The following GSG1L variants were observed in gnomAD, a reference collection of about 807,000 sequenced individuals.
The protein encoded by GSG1L is GSG1 like, also known as germ cell-specific gene 1-like protein.
A neutral mutation model predicts 42.1 loss-of-function variants in GSG1L; 24 were observed. That is an observed-to-expected ratio of 0.57 (90% CI 0.41 to 0.80). The LOEUF (loss-of-function observed/expected upper bound fraction) is 0.80. GSG1L is among the 30% of genes least tolerant of loss of function. The pLI, the probability that GSG1L is intolerant of heterozygous loss-of-function variation, is 0.00. For synonymous variants in GSG1L, 215 were observed against 203.5 expected (o/e 1.06, Z -0.48); for missense variants, 445 against 472.2 (o/e 0.94, Z 0.53).
chr16:27,900,660 G>A (rs571865810), intron 2 of GSG1L, among the ~76,000 whole-genome samples: 2 of 152,272 alleles, frequency 1.3e-5, no homozygotes, highest in East Asian at 1.9e-4. Flanking sequence ...GTCTATCTGA[G>A]CCTCCCTCTC....
rs1360272575 is a variant in GSG1L at position 27,788,037 on chromosome 16, G to T, written c.*3333C>A. On this transcript the variant is annotated 3_prime_UTR_variant, in exon 7 of 7. Transcript: ENST00000447459. Reference sequence around the variant, plus strand: ...TGAATGGAAAGTGAATTAACAAATTGTTCGCTTGATGAATCAATGCGTGAA... The same window carrying T: ...TGAATGGAAAGTGAATTAACAAATTTTTCGCTTGATGAATCAATGCGTGAA... 2 of 152,204 alleles carry T rather than the reference G, an allele frequency of 1.3e-5. No homozygotes were observed. The highest frequency in any genetic ancestry group is 1.9e-4 in the East Asian group (1 of 5,200). 9.4% of individuals were successfully genotyped at this position (152,204 alleles called of 1,614,324 possible). A position where few individuals can be genotyped will look rare whatever the true frequency, so the allele number is the denominator to read the frequency against.
intron 1 of GSG1L, among the ~76,000 whole-genome samples, chr16:27,996,190 A>C (rs1253351380): frequency 6.6e-6 from 1 of 151,986 alleles, no homozygotes; most frequent in African/African-American, 2.4e-5. Flanking sequence ...CTTCCACACC[A>C]TCAGCCACAG....
At chr16:27,950,521 G>A (rs545220601) in intron 2 of GSG1L, among the ~76,000 whole-genome samples, 1 of 152,246 alleles carries the variant, frequency 6.6e-6, no homozygotes, top group East Asian at 1.9e-4. Context: ...GGCAGAACCA[G>A]CACTTCAGAA....
At chr16:28,016,516 C>T (rs944508427) in intron 1 of GSG1L, among the ~76,000 whole-genome samples, 10 of 152,110 alleles carry the variant, frequency 6.6e-5, no homozygotes, top group African/African-American at 2.4e-4. Context: ...TCCCTAGGTT[C>T]GGGGTCATCT....
chr16:27,953,552 T>A (rs185079930), intron 2 of GSG1L, among the ~76,000 whole-genome samples: 1,690 of 152,130 alleles, frequency 0.011, 17 homozygotes, highest in Non-Finnish European at 0.018. Context: ...GCTGTGGCAG[T>A]GGAGATAGAG....
At chr16:27,953,287 G>A (rs1299965216) in intron 2 of GSG1L, among the ~76,000 whole-genome samples, 2 of 152,078 alleles carry the variant, frequency 1.3e-5, no homozygotes, top group African/African-American at 4.8e-5. Context: ...ATGGGGTCTT[G>A]CTGTTTTGCC....
chr16:28,021,655 C>G lies in GSG1L; in HGVS notation c.349+41421G>C, dbSNP rs546071725. On this transcript the variant is annotated intron_variant, in intron 1 of 6. Coordinates refer to ENST00000447459, the MANE Select transcript of GSG1L (RefSeq NM_001109763.2). ...AAAATTCAGATAGTAGATAAGACCC[C>G]TAAATCTCTTTAGAACTCTTCTGTC... 1.1e-4 allele frequency among the ~76,000 whole-genome samples: 17 copies of G among 152,278 alleles called. No individual in the cohort carries two copies. In the East Asian group the frequency reaches 2.9e-3, roughly 26 times the overall value.
intron 6 of GSG1L, among the ~76,000 whole-genome samples, chr16:27,794,558 C>G (rs1347353057): frequency 6.6e-6 from 1 of 152,004 alleles, no homozygotes; most frequent in Non-Finnish European, 1.5e-5. Context: ...GTCTCAATCT[C>G]CTGACCTCGT....
At chr16:27,824,339 C>G (rs776258479) in intron 5 of GSG1L, among the ~76,000 whole-genome samples, 2 of 152,178 alleles carry the variant, frequency 1.3e-5, no homozygotes, top group Non-Finnish European at 2.9e-5. Context: ...AAAACTCACT[C>G]CAAACCCCTG....
chr16:27,911,132 GC>G (rs1282750906), intron 2 of GSG1L, among the ~76,000 whole-genome samples: 1 of 152,158 alleles, frequency 6.6e-6, no homozygotes. Flanking sequence ...CCTAGCAGCT[GC>G]CGGATCCTGC....
intron 3 of GSG1L, among the ~76,000 whole-genome samples, chr16:27,881,558 G>A (rs1196541657): frequency 6.6e-6 from 1 of 152,112 alleles, no homozygotes; most frequent in Non-Finnish European, 1.5e-5. Flanking sequence ...TACTTTTGAA[G>A]GAGTGCATTT....
intron 2 of GSG1L, among the ~76,000 whole-genome samples, chr16:27,956,921 C>T (rs2085012332): frequency 6.6e-6 from 1 of 152,088 alleles, no homozygotes; most frequent in South Asian, 2.1e-4. Flanking sequence ...TTAAGATTAT[C>T]CTGTGGGTCA....
At chr16:27,837,271 C>G (rs1001289268) in intron 4 of GSG1L, among the ~76,000 whole-genome samples, 3 of 152,226 alleles carry the variant, frequency 2.0e-5, no homozygotes, top group Non-Finnish European at 2.9e-5. Context: ...ATCACAAGAA[C>G]AGCATGGGGA....
At chr16:27,829,883 T>C (rs1425718041) in intron 4 of GSG1L, among the ~76,000 whole-genome samples, 1 of 152,118 alleles carries the variant, frequency 6.6e-6, no homozygotes, top group Non-Finnish European at 1.5e-5. Context: ...ATTACCCACT[T>C]CCATATGACT....
chr16:27,882,389 C>T (rs1299445253), intron 3 of GSG1L, among the ~76,000 whole-genome samples: 2 of 152,086 alleles, frequency 1.3e-5, no homozygotes, highest in African/African-American at 2.4e-5. Flanking sequence ...GCAAACCCGA[C>T]CGTGTTGCCC....
chr16:28,052,977 G>A (rs1348152487), intron 1 of GSG1L, among the ~76,000 whole-genome samples: 1 of 152,238 alleles, frequency 6.6e-6, no homozygotes, highest in Non-Finnish European at 1.5e-5. Flanking sequence ...TCAAGGTGGG[G>A]CCCGGGCCAA....
In GSG1L at chr16:28,000,278, G is replaced by A. The variant is rs367690151; in HGVS notation, c.350-37075C>T. Among the ~76,000 whole-genome samples, 5 of 152,262 alleles carry A rather than the reference G, an allele frequency of 3.3e-5. No homozygotes were observed. The South Asian group carries it at 1.0e-3, about 32-fold the overall frequency. On this transcript the variant is annotated intron_variant, in intron 1 of 6. Transcript: ENST00000447459. ...AGCCCAGGGTTCTGAGATCAGCCTG[G>A]GCAACATAGTGAGACCTCGTCTCTA... is the stretch of plus-strand genomic sequence containing the variant.
chr16:27,892,171 G>A (rs977330628), intron 2 of GSG1L, among the ~76,000 whole-genome samples: 1 of 152,112 alleles, frequency 6.6e-6, no homozygotes, highest in African/African-American at 2.4e-5. Context: ...TGTAAAAAAT[G>A]AGGCCGAATG....
chr16:27,833,943 T>G (rs1032708322), intron 4 of GSG1L, among the ~76,000 whole-genome samples: 2 of 152,180 alleles, frequency 1.3e-5, no homozygotes, highest in African/African-American at 4.8e-5. Flanking sequence ...TTTCATGTCT[T>G]ATGTATTGCA....
Sources: allele counts gnomAD v4.1 joint callset (sites outside exome capture counted in the v4.1 genomes callset), GRCh38; gene constraint gnomAD v4.1.1; transcripts MANE v1.5; gene names NCBI Gene and HGNC (gene_info 2026-07-23, HGNC 2026-07-21).